The following ABCA13 variants were observed in gnomAD, a reference collection of about 807,000 sequenced individuals.
ABCA13 encodes ATP binding cassette subfamily A member 13, also known as ATP-binding cassette sub-family A member 13.
ABCA13 carries 476 observed loss-of-function variants against 478.7 expected under a neutral mutation model. The ratio of observed to expected loss-of-function variants is 0.99; its 90% CI spans 0.92 to 1.07. The LOEUF is 1.07. Ranked by LOEUF, ABCA13 falls within the 50% of genes least tolerant of loss-of-function variation. ABCA13 has a pLI of 0.00. For synonymous variants in ABCA13, 2,252 were observed against 2,158.9 expected (o/e 1.04, Z -1.20); for missense variants, 6,060 against 5,910.6 (o/e 1.03, Z -0.83).
intron 47 of ABCA13, among the ~76,000 whole-genome samples, chr7:48,484,779 T>C (rs750124580): frequency 6.6e-6 from 1 of 152,204 alleles, no homozygotes; most frequent in African/African-American, 2.4e-5. Context: ...ACTTGACCCT[T>C]TGGGGACTGA....
rs55694821 is a variant in ABCA13, at chr7:48,401,744, A to AACACACACACACACACACACACACAC, written c.11874-1932_11874-1907dup. On this transcript the variant is annotated intron_variant, in intron 38 of 61. Coordinates refer to ENST00000435803, the MANE Select transcript of ABCA13 (RefSeq NM_152701.5). ...CTGCTCTTGGCTTCAAGAATTTTAAAACACACACACACACACACACACACA... is the reference window on the plus strand; with the variant it reads ...CTGCTCTTGGCTTCAAGAATTTTAAAACACACACACACACACACACACACACACACACACACACACACACACACACA... Among the ~76,000 whole-genome samples the AACACACACACACACACACACACACAC allele has an allele frequency of 2.3e-3, 325 of 143,968 alleles. 1 individual carries two copies. Among genetic ancestry groups the AACACACACACACACACACACACACAC allele is most frequent in the Admixed American group, 3.1e-3 (45 of 14,318 alleles). The allele number at this position is 143,968 out of a possible 152,430, so 94.4% of individuals were successfully genotyped here.
intron 59 of ABCA13, among the ~76,000 whole-genome samples, chr7:48,637,396 A>G (rs1051322670): frequency 6.1e-5 from 9 of 148,636 alleles, no homozygotes; most frequent in South Asian, 4.2e-4. Context: ...AAAAAAAAAA[A>G]AAAAAAAAAA....
At chr7:48,296,584 T>G (rs1240817403) in intron 21 of ABCA13, among the ~76,000 whole-genome samples, 5 of 151,788 alleles carry the variant, frequency 3.3e-5, no homozygotes, top group Non-Finnish European at 5.9e-5. Context: ...CTCAGCCTCC[T>G]GAGTAGCTGG....
At chr7:48,452,150 A>C (rs574870175) in intron 42 of ABCA13, among the ~76,000 whole-genome samples, 1 of 152,312 alleles carries the variant, frequency 6.6e-6, no homozygotes, top group South Asian at 2.1e-4. Context: ...ATCTTTCCCC[A>C]CAGACTTATC....
Position 48,249,314 on chromosome 7 carries a change from T to C in ABCA13, c.1968T>C (p.Tyr656=), listed in dbSNP as rs1300165933. ...FIRKTCEVAQ[Y]VNMQESFQNR... is the part of the protein sequence containing the mutation. ...GGAAGACTTGCGAAGTGGCCCAATA[T>C]GTAAATATGCAAGAGAGTTTCCAGA... Residue 656 remains tyrosine (Y), a synonymous_variant, in exon 15 of 62, where the codon TAT becomes TAC. Coordinates refer to ENST00000435803, the MANE Select transcript of ABCA13 (RefSeq NM_152701.5). The C allele has an allele frequency of 1.2e-6, 2 of 1,613,342 alleles. No homozygotes were observed. The highest frequency in any genetic ancestry group is 8.5e-7 in the Non-Finnish European group (1 of 1,179,478).
intron 42 of ABCA13, among the ~76,000 whole-genome samples, chr7:48,452,068 A>G (rs1314642029): frequency 1.3e-5 from 2 of 152,094 alleles, no homozygotes; most frequent in East Asian, 3.9e-4. Context: ...TTAGCCCTTT[A>G]TTTTTCTCAT....
At chr7:48,625,146 C>T (rs1793542890) in intron 59 of ABCA13, among the ~76,000 whole-genome samples, 1 of 152,170 alleles carries the variant, frequency 6.6e-6, no homozygotes, top group Admixed American at 6.5e-5. Flanking sequence ...AGCTCTCAAG[C>T]TACCACTGTC....
intron 55 of ABCA13, among the ~76,000 whole-genome samples, chr7:48,546,971 A>G (rs1408462156): frequency 6.6e-6 from 1 of 151,784 alleles, no homozygotes; most frequent in Non-Finnish European, 1.5e-5. Flanking sequence ...TTAAATGACA[A>G]TTTAACAATA....
At chr7:48,302,881 T>C (rs1227302425) in intron 23 of ABCA13, among the ~76,000 whole-genome samples, 1 of 152,202 alleles carries the variant, frequency 6.6e-6, no homozygotes, top group Non-Finnish European at 1.5e-5. Context: ...CAAATGGTAG[T>C]TCTCTTTCTA....
At chr7:48,302,924 A>C (rs1800355023) in intron 23 of ABCA13, among the ~76,000 whole-genome samples, 1 of 152,184 alleles carries the variant, frequency 6.6e-6, no homozygotes, top group South Asian at 2.1e-4. Context: ...TGGTTTCCAC[A>C]ATGGTTGAAC....
chr7:48,192,636 G>C (rs1462436969), intron 1 of ABCA13, among the ~76,000 whole-genome samples: 1 of 152,308 alleles, frequency 6.6e-6, no homozygotes, highest in East Asian at 1.9e-4. Context: ...AATAAAAATA[G>C]TTGCTGTATT....
At chr7:48,321,814 G>A (rs1010084924) in intron 27 of ABCA13, among the ~76,000 whole-genome samples, 2 of 152,178 alleles carry the variant, frequency 1.3e-5, no homozygotes, top group Non-Finnish European at 1.5e-5. Flanking sequence ...CAGACCCCAA[G>A]GTTCCAGGTA....
intron 13 of ABCA13, 50 bp downstream of exon 13, chr7:48,246,080 A>C: frequency 6.4e-7 from 1 of 1,559,456 alleles, no homozygotes; most frequent in African/African-American, 1.4e-5. Context: ...TTTAAGATTA[A>C]ATTCACCAAA....
intron 48 of ABCA13, among the ~76,000 whole-genome samples, chr7:48,490,042 C>T (rs927624599): frequency 1.3e-5 from 2 of 152,202 alleles, no homozygotes; most frequent in African/African-American, 4.8e-5. Context: ...TAGACATCAA[C>T]ACTAAACAAT....
chr7:48,304,430 A>G (rs1800600776), intron 23 of ABCA13, among the ~76,000 whole-genome samples: 1 of 152,200 alleles, frequency 6.6e-6, no homozygotes, highest in Non-Finnish European at 1.5e-5. Context: ...ACTAATTTAC[A>G]TTCCCACCAA....
In ABCA13 at chr7:48,506,389, A is replaced by G. The variant is rs761105845; in HGVS notation, c.13345A>G (p.Ile4449Val). 1 of 1,613,584 alleles carries G rather than the reference A, an allele frequency of 6.2e-7. No individual in the cohort carries two copies. Among genetic ancestry groups the G allele is most frequent in the East Asian group, 2.2e-5 (1 of 44,872 alleles). The change falls in exon 49 of 62, where the codon ATC becomes GTC. Residue 4449 changes from isoleucine to valine, a missense_variant and splice_region_variant. Physicochemically the swap from Ile to Val is conservative, Grantham distance 29. Transcript: ENST00000435803. ...YGGALLNEDK[I>V]LESIRQCGVA... The stretch of plus-strand genomic sequence containing the variant: ...AGGGGCCTTGCTGAACGAGGACAAG[A>G]TGTGAGTTGATGGAATGCTGAGGGG...
chr7:48,236,498 C>T (rs7357102), intron 8 of ABCA13, among the ~76,000 whole-genome samples: 47,628 of 152,018 alleles, frequency 0.31, 8,085 homozygotes, highest in Middle Eastern at 0.44. Flanking sequence ...TTTGGGGTGG[C>T]GTATTCTGTT....
chr7:48,347,716 C>T (rs1808329271), intron 29 of ABCA13, among the ~76,000 whole-genome samples: 2 of 152,172 alleles, frequency 1.3e-5, no homozygotes, highest in Non-Finnish European at 2.9e-5. Context: ...CAGGACATTG[C>T]TTTGTGCTGT....
rs1437424019 is a variant in ABCA13 at position 48,569,956 on chromosome 7, A to G, written c.14355-10268A>G. ...TTTGGATGGAGAGTTCTAAGTCTCT[A>G]TAGTCTCTTAGGTCTAGTTATCTTG... On this transcript the variant is annotated intron_variant, in intron 55 of 61. Coordinates refer to ENST00000435803, the MANE Select transcript of ABCA13 (RefSeq NM_152701.5). Among the ~76,000 whole-genome samples the G allele has an allele frequency of 3.3e-5, 5 of 152,194 alleles. No individual in the cohort carries two copies. The South Asian group carries it at 6.2e-4, about 19-fold the overall frequency.
Sources: gnomAD v4.1 joint callset for allele counts (sites outside exome capture counted in the v4.1 genomes callset) on GRCh38, gnomAD v4.1.1 for gene constraint, MANE v1.5 for transcripts, NCBI Gene and HGNC (gene_info 2026-07-23, HGNC 2026-07-21) for gene names.